CNKSR2: variants seen among roughly 807,000 people sequenced by gnomAD.
CNKSR2 encodes the protein connector enhancer of kinase suppressor of Ras 2.
In CNKSR2, 14 loss-of-function variants were observed where a neutral mutation model predicts 84.4. The observed-to-expected ratio is 0.17, with a 90% CI of 0.11 to 0.26. The LOEUF (loss-of-function observed/expected upper bound fraction) is 0.26. CNKSR2 is among the 10% of genes least tolerant of loss of function. The pLI is 1.00. For synonymous variants in CNKSR2, 275 were observed against 277.9 expected (o/e 0.99, Z 0.10); for missense variants, 485 against 771.2 (o/e 0.63, Z 4.40).
intron 4 of CNKSR2, among the ~76,000 whole-genome samples, chrX:21,441,968 C>CT (rs1727403300): frequency 9.0e-6 from 1 of 111,057 alleles, no homozygotes; most frequent in African/African-American, 3.3e-5. Context: ...TCACAAATGG[C>CT]TTTTTTCCCC....
chrX:21,580,288 A>G (rs1363129806), intron 13 of CNKSR2, among the ~76,000 whole-genome samples: 1 of 111,848 alleles, frequency 8.9e-6, no homozygotes, highest in Non-Finnish European at 1.9e-5. Flanking sequence ...TCTGTTATGA[A>G]AAAAGTCTCT....
At chrX:21,490,126 A>G (rs762086164) in intron 5 of CNKSR2, among the ~76,000 whole-genome samples, 40 of 111,733 alleles carry the variant, frequency 3.6e-4, no homozygotes, top group African/African-American at 1.2e-3. Flanking sequence ...GTTCAGTTCA[A>G]TCTTGTGGTT....
Position 21,374,510 on chromosome X carries a change from G to C in CNKSR2, c.-388G>C. 2.5e-6 allele frequency: 1 copy of C among 404,398 alleles called. No individual in the cohort carries two copies. The highest frequency in any genetic ancestry group is 4.4e-6 in the Non-Finnish European group (1 of 228,052). The allele number at this position is 404,398 out of a possible 1,213,427, so 33.3% of individuals were successfully genotyped here. The stretch of plus-strand genomic sequence containing the variant: ...TGGCTGAGGGCGTGCGGCAGAGGCT[G>C]CTTCCCTCGGCGACGCGACCCCTCA... On this transcript the variant is annotated 5_prime_UTR_variant, in exon 1 of 22. Transcript: ENST00000379510.
rs771170044 is a variant in CNKSR2, at chrX:21,563,513, T to G, written c.1608+61T>G. The G allele has an allele frequency of 1.3e-4, 114 of 889,894 alleles. No individual in the cohort carries two copies. The African/African-American group carries it at 2.0e-3, about 16-fold the overall frequency. The allele number at this position is 889,894 out of a possible 1,213,427, so 73.3% of individuals were successfully genotyped here. Reference sequence around the variant, plus strand: ...TTATTGGAAGACTGGCAAGTGACTCTTTTGGGTAAAGTCTAGGTTATTTTT... The same window carrying G: ...TTATTGGAAGACTGGCAAGTGACTCGTTTGGGTAAAGTCTAGGTTATTTTT... On this transcript the variant is annotated intron_variant, in intron 13 of 21. Transcript: ENST00000379510.
At position 21,609,250 on chromosome X, in the gene CNKSR2, A is replaced by G. The variant is rs750603894; in HGVS notation, c.2325A>G (p.Pro775=). ...RRSWQDLIET[P]LTSSGLHYLQ... Reference sequence around the variant, plus strand: ...CCTGGCAGGATTTAATTGAGACGCCACTGACAAGTTCAGGCTTACACTATC... The same window carrying G: ...CCTGGCAGGATTTAATTGAGACGCCGCTGACAAGTTCAGGCTTACACTATC... The change falls in exon 20 of 22, where the codon CCA becomes CCG. Residue 775 remains proline (P), a synonymous_variant. Coordinates refer to ENST00000379510, the MANE Select transcript of CNKSR2 (RefSeq NM_014927.5). 8.3e-7 allele frequency: 1 copy of G among 1,211,558 alleles called. No homozygotes were observed. Among genetic ancestry groups the G allele is most frequent in the Non-Finnish European group, 1.1e-6 (1 of 895,430 alleles).
At chrX:21,481,885 G>T (rs1376869866) in intron 5 of CNKSR2, among the ~76,000 whole-genome samples, 1 of 111,694 alleles carries the variant, frequency 9.0e-6, no homozygotes, top group Non-Finnish European at 1.9e-5. Context: ...AGTGGATTCT[G>T]CTGACAACCT....
intron 21 of CNKSR2, among the ~76,000 whole-genome samples, chrX:21,649,250 T>C (rs748730165): frequency 1.5e-4 from 17 of 112,108 alleles, no homozygotes; most frequent in African/African-American, 5.2e-4. Context: ...TTAAATGTTA[T>C]TTTACTCAGT....
Position 21,531,981 on chromosome X carries a change from T to C in CNKSR2, c.1217T>C (p.Val406Ala), listed in dbSNP as rs2091890119. 8.3e-7 allele frequency: 1 copy of C among 1,199,220 alleles called. No individual in the cohort carries two copies. The highest frequency in any genetic ancestry group is 1.8e-5 in the South Asian group (1 of 56,493). ...DQEYRKRFNI[V>A]EEDTVLYCYE... is the part of the protein sequence containing the mutation. ...GAATATCGAAAGAGATTTAATATTG[T>C]CGAAGAAGATACTGTCTTATATTGC... The change falls in exon 11 of 22, where the codon GTC (valine) becomes GCC (alanine). Residue 406 changes from valine to alanine, a missense_variant. Val to Ala is a moderately conservative substitution (Grantham distance 64, BLOSUM62 0). This residue lies in a region of CNKSR2 where 132 missense variants were observed against 166.7 expected (regional missense o/e 0.79). Coordinates refer to ENST00000379510, the MANE Select transcript of CNKSR2 (RefSeq NM_014927.5).
chrX:21,472,458 G>A (rs2091209883), intron 5 of CNKSR2, among the ~76,000 whole-genome samples: 1 of 111,664 alleles, frequency 9.0e-6, no homozygotes, highest in Admixed American at 9.6e-5. Flanking sequence ...TGGCTGCTAC[G>A]AACTTAAGAT....
chrX:21,643,274 G>C (rs1261636100), intron 20 of CNKSR2: 1 of 110,669 alleles, frequency 9.0e-6, no homozygotes, highest in Non-Finnish European at 1.9e-5. Flanking sequence ...CCCTTCTTTG[G>C]GGCAATAAAT....
At chrX:21,419,301 T>C (rs1044231757) in intron 1 of CNKSR2, among the ~76,000 whole-genome samples, 2 of 111,251 alleles carry the variant, frequency 1.8e-5, no homozygotes, top group Non-Finnish European at 3.8e-5. Context: ...ATTCCTTCTC[T>C]GTGTTATCTT....
intron 15 of CNKSR2, 37 bp downstream of exon 15, chrX:21,591,231 C>G: frequency 9.5e-7 from 1 of 1,053,440 alleles, no homozygotes; most frequent in Non-Finnish European, 1.3e-6. Flanking sequence ...CATCCATTCT[C>G]TATCTTTAAT....
intron 1 of CNKSR2, among the ~76,000 whole-genome samples, chrX:21,413,335 AG>A: frequency 9.0e-6 from 1 of 110,964 alleles, no homozygotes; most frequent in Admixed American, 9.6e-5. Context: ...GGTACATAGT[AG>A]GTGTGTATAT....
intron 8 of CNKSR2, among the ~76,000 whole-genome samples, chrX:21,508,811 G>T (rs1023251353): frequency 1.8e-5 from 2 of 112,185 alleles, no homozygotes; most frequent in Admixed American, 1.9e-4. Flanking sequence ...AAGTAACAGG[G>T]TATGGAAAGT....
chrX:21,635,451 CCT>C (rs1287266849), intron 20 of CNKSR2, among the ~76,000 whole-genome samples: 1 of 91,720 alleles, frequency 1.1e-5, no homozygotes, highest in Admixed American at 1.3e-4. Context: ...TATATATACA[CCT>C]ATATATATGT....
At chrX:21,631,730 C>T (rs900022197) in intron 20 of CNKSR2, among the ~76,000 whole-genome samples, 4 of 112,314 alleles carry the variant, frequency 3.6e-5, no homozygotes, top group Admixed American at 9.5e-5. Context: ...CTTCTAATAT[C>T]TCATGCAGTA....
chrX:21,604,327 G>A (rs1213272653), intron 18 of CNKSR2, among the ~76,000 whole-genome samples: 1 of 110,616 alleles, frequency 9.0e-6, no homozygotes, highest in Admixed American at 9.7e-5. Flanking sequence ...GGAGTGGGGG[G>A]AGGGGGAAGG....
intron 11 of CNKSR2, among the ~76,000 whole-genome samples, chrX:21,541,210 T>C (rs2091974028): frequency 9.0e-6 from 1 of 111,234 alleles, no homozygotes; most frequent in South Asian, 3.8e-4. Context: ...CTCGATCTCT[T>C]GACCTCGTGA....
chrX:21,374,934 C>T lies in CNKSR2; in HGVS notation c.37C>T (p.Pro13Ser), dbSNP rs778193344. Residue 13 changes from proline (P) to serine (S), a missense_variant, in exon 1 of 22, where the codon CCG becomes TCG. By Grantham distance (74) the Pro-to-Ser change is moderately conservative. Coordinates refer to ENST00000379510, the MANE Select transcript of CNKSR2 (RefSeq NM_014927.5). ...AATGGAACCGGTGAGCAAATGGTCTCCGAGTCAAGTAGTGGACTGGATGAA... is the reference window on the plus strand; with the variant it reads ...AATGGAACCGGTGAGCAAATGGTCTTCGAGTCAAGTAGTGGACTGGATGAA... ...LIMEPVSKWS[P>S]SQVVDWMKGL... 8.3e-7 allele frequency: 1 copy of T among 1,210,235 alleles called. No homozygotes were observed. Among genetic ancestry groups the T allele is most frequent in the Non-Finnish European group, 1.1e-6 (1 of 893,862 alleles).
Sources: allele counts gnomAD v4.1 joint callset (sites outside exome capture counted in the v4.1 genomes callset), GRCh38; gene constraint gnomAD v4.1.1; regional missense constraint gnomAD v4.1.1; transcripts MANE v1.5; gene names NCBI Gene and HGNC (gene_info 2026-07-23, HGNC 2026-07-21).